Variants in PRR16 observed in about 807,000 individuals in gnomAD.
The protein encoded by PRR16 is protein Largen.
In PRR16, 6 loss-of-function variants were observed where a neutral mutation model predicts 18.2. That is an observed-to-expected ratio of 0.33 (90% CI 0.18 to 0.65). The LOEUF (loss-of-function observed/expected upper bound fraction) is 0.65, where lower values mean the gene tolerates loss of function less well. Ranked by LOEUF, PRR16 falls within the 30% of genes least tolerant of loss-of-function variation. The pLI, the probability that PRR16 is intolerant of heterozygous loss-of-function variation, is 0.74. For missense variants in PRR16, 412 were observed against 376.6 expected, an observed-to-expected ratio of 1.09 and a Z score of -0.78; for synonymous variants, 151 against 147.8, an observed-to-expected ratio of 1.02 and a Z score of -0.16.
chr5:120,589,129 C>G (rs972720635), intron 1 of PRR16, among the ~76,000 whole-genome samples: 1 of 152,030 alleles, frequency 6.6e-6, no homozygotes, highest in Admixed American at 6.6e-5. Flanking sequence ...AATGAGTAAG[C>G]TTTTTATCCT....
At chr5:120,778,241 T>C in the PRR16 span, among the ~76,000 whole-genome samples, 1 of 152,092 alleles carries the variant, frequency 6.6e-6, no homozygotes, top group South Asian at 2.1e-4. Flanking sequence ...AAAAATATCC[T>C]AGATACCTGC....
the PRR16 span, among the ~76,000 whole-genome samples, chr5:120,765,356 TATAA>T: frequency 2.0e-5 from 3 of 152,066 alleles, no homozygotes; most frequent in African/African-American, 4.8e-5. Context: ...CTCTTACGTG[TATAA>T]ATAACAGTTG....
At chr5:120,566,840 C>T (rs1752754136) in intron 1 of PRR16, among the ~76,000 whole-genome samples, 1 of 152,138 alleles carries the variant, frequency 6.6e-6, no homozygotes, top group South Asian at 2.1e-4. Flanking sequence ...TGAATTCAGT[C>T]AGGAAAGAAC....
intron 1 of PRR16, chr5:120,481,049 G>A: frequency 1.2e-5 from 13 of 1,077,140 alleles, no homozygotes; most frequent in Non-Finnish European, 1.5e-5. Context: ...TCAATATAAA[G>A]TACATGGCAG....
chr5:120,753,358 A>T, the PRR16 span, among the ~76,000 whole-genome samples: 12 of 152,008 alleles, frequency 7.9e-5, no homozygotes, highest in African/African-American at 2.9e-4. Flanking sequence ...GCAAATAATA[A>T]GTTACCATTC....
At chr5:120,684,667 T>C (rs1216996344) in intron 1 of PRR16, among the ~76,000 whole-genome samples, 1 of 152,196 alleles carries the variant, frequency 6.6e-6, no homozygotes, top group Non-Finnish European at 1.5e-5. Flanking sequence ...AGGACCCTGA[T>C]GCTGTACTCT....
chr5:120,792,525 T>A, the PRR16 span, among the ~76,000 whole-genome samples: 9 of 152,224 alleles, frequency 5.9e-5, no homozygotes. Flanking sequence ...GAAGTACTAC[T>A]TAACAGGTTT....
At chr5:120,784,007 C>T in the PRR16 span, among the ~76,000 whole-genome samples, 1 of 152,076 alleles carries the variant, frequency 6.6e-6, no homozygotes, top group Non-Finnish European at 1.5e-5. Flanking sequence ...ACATAATGTC[C>T]TCCAGTTCCA....
chr5:120,533,944 G>A (rs1352234025), intron 1 of PRR16, among the ~76,000 whole-genome samples: 1 of 152,158 alleles, frequency 6.6e-6, no homozygotes, highest in Non-Finnish European at 1.5e-5. Flanking sequence ...AAGGCTTCCT[G>A]AGAGATTGGA....
At chr5:120,751,346 C>T in the PRR16 span, among the ~76,000 whole-genome samples, 1 of 152,020 alleles carries the variant, frequency 6.6e-6, no homozygotes, top group Non-Finnish European at 1.5e-5. Flanking sequence ...TGAGACAGCT[C>T]CATACTGTTT....
intron 1 of PRR16, among the ~76,000 whole-genome samples, chr5:120,655,392 A>AAAG (rs1755933604): frequency 6.6e-6 from 1 of 150,734 alleles, no homozygotes; most frequent in African/African-American, 2.4e-5. Context: ...TTTTTTTAAA[A>AAAG]AAAAAGAGGT....
chr5:120,532,736 AT>A (rs200262629), intron 1 of PRR16, among the ~76,000 whole-genome samples: 79 of 150,336 alleles, frequency 5.3e-4, no homozygotes, highest in South Asian at 3.8e-3. Context: ...TTTATTGGAA[AT>A]TTTTTTTTTA....
chr5:120,586,299 A>C (rs532820152), intron 1 of PRR16, among the ~76,000 whole-genome samples: 1 of 152,332 alleles, frequency 6.6e-6, no homozygotes, highest in Admixed American at 6.5e-5. Context: ...GACCTAATTT[A>C]CCAAACTACT....
the PRR16 span, among the ~76,000 whole-genome samples, chr5:120,729,666 A>G: frequency 6.6e-6 from 1 of 152,186 alleles, no homozygotes; most frequent in Admixed American, 6.6e-5. Flanking sequence ...TGAGTGAAAT[A>G]TCCTCCCATA....
At chr5:120,572,144 C>T (rs1339569513) in intron 1 of PRR16, among the ~76,000 whole-genome samples, 2 of 152,134 alleles carry the variant, frequency 1.3e-5, no homozygotes, top group Non-Finnish European at 2.9e-5. Flanking sequence ...AAAGGAGTCT[C>T]TCATATTGTA....
intron 1 of PRR16, among the ~76,000 whole-genome samples, chr5:120,518,071 C>T (rs1751054512): frequency 6.6e-6 from 1 of 152,168 alleles, no homozygotes. Flanking sequence ...ACTATCTTGT[C>T]TGCTTTCAGA....
chr5:120,598,791 T>C (rs1185427361), intron 1 of PRR16, among the ~76,000 whole-genome samples: 1 of 151,958 alleles, frequency 6.6e-6, no homozygotes, highest in Non-Finnish European at 1.5e-5. Context: ...TAGTATTCTA[T>C]GGTGTTTATA....
intron 1 of PRR16, among the ~76,000 whole-genome samples, chr5:120,536,988 A>C (rs1751738395): frequency 6.6e-6 from 1 of 152,218 alleles, no homozygotes; most frequent in Non-Finnish European, 1.5e-5. Flanking sequence ...CGGGAGCTAA[A>C]TGTTGAGAAC....
intron 1 of PRR16, among the ~76,000 whole-genome samples, chr5:120,615,997 A>G (rs1754498468): frequency 6.6e-6 from 1 of 152,176 alleles, no homozygotes; most frequent in Non-Finnish European, 1.5e-5. Flanking sequence ...TGATGAAGAA[A>G]GTCAATAACA....
Sources: allele counts gnomAD v4.1 joint callset (sites outside exome capture counted in the v4.1 genomes callset), GRCh38; gene constraint gnomAD v4.1.1; transcripts MANE v1.5; gene names NCBI Gene and HGNC (gene_info 2026-07-23, HGNC 2026-07-21).